The following PDE10A variants were observed in gnomAD, a reference collection of about 807,000 sequenced individuals.
PDE10A encodes the protein cAMP and cAMP-inhibited cGMP 3',5'-cyclic phosphodiesterase 10A.
In PDE10A, 39 loss-of-function variants were observed where a neutral mutation model predicts 97.7. The observed-to-expected ratio is 0.40, with a 90% confidence interval of 0.31 to 0.52. PDE10A has a LOEUF of 0.52. PDE10A is among the 20% of genes least tolerant of loss of function. The pLI is 0.56. For missense variants in PDE10A, 731 were observed against 1,047.8 expected, an observed-to-expected ratio of 0.70 and a Z score of 4.17; for synonymous variants, 371 against 376.8, an observed-to-expected ratio of 0.98 and a Z score of 0.18.
chr6:165,776,388 T>A (rs1778184193), intron 1 of PDE10A, among the ~76,000 whole-genome samples: 1 of 152,238 alleles, frequency 6.6e-6, no homozygotes, highest in Non-Finnish European at 1.5e-5. Flanking sequence ...GAAGTTGATA[T>A]AATCATTGGC....
chr6:165,803,411 T>A (rs1427426596), intron 1 of PDE10A, among the ~76,000 whole-genome samples: 1 of 152,234 alleles, frequency 6.6e-6, no homozygotes, highest in Non-Finnish European at 1.5e-5. Context: ...TGTGTCTCCA[T>A]GTCCCCAAGG....
intron 17 of PDE10A, among the ~76,000 whole-genome samples, chr6:165,386,919 G>A (rs760317931): frequency 2.2e-4 from 33 of 152,038 alleles, no homozygotes; most frequent in Non-Finnish European, 2.6e-4. Flanking sequence ...GGGAGGCTGA[G>A]GCAGGAGAAT....
chr6:165,396,949 C>A (rs1413222640), intron 13 of PDE10A, among the ~76,000 whole-genome samples: 2 of 152,130 alleles, frequency 1.3e-5, no homozygotes, highest in African/African-American at 4.8e-5. Context: ...TTAGTCTTGA[C>A]TGTATATTGT....
intron 1 of PDE10A, among the ~76,000 whole-genome samples, chr6:165,692,964 C>T (rs953288685): frequency 1.1e-4 from 16 of 152,150 alleles, no homozygotes; most frequent in Non-Finnish European, 1.8e-4. Flanking sequence ...AGAAAACTGT[C>T]CCTCCCTTAT....
intron 3 of PDE10A, among the ~76,000 whole-genome samples, chr6:165,452,664 A>C (rs1416485577): frequency 6.6e-6 from 1 of 152,140 alleles, no homozygotes; most frequent in Non-Finnish European, 1.5e-5. Context: ...TAAGAAATAA[A>C]TTTCTGTTCT....
intron 1 of PDE10A, among the ~76,000 whole-genome samples, chr6:165,641,210 A>G (rs1022933139): frequency 5.3e-5 from 8 of 152,234 alleles, no homozygotes; most frequent in Non-Finnish European, 8.8e-5. Flanking sequence ...AAAAAATGTT[A>G]AAAGTCATAA....
intron 2 of PDE10A, among the ~76,000 whole-genome samples, chr6:165,515,439 T>C (rs1408503437): frequency 6.6e-6 from 1 of 151,678 alleles, no homozygotes; most frequent in African/African-American, 2.4e-5. Flanking sequence ...TTATATAAAA[T>C]TATTGGTTTA....
At chr6:165,395,146 A>C in intron 15 of PDE10A, 35 bp downstream of exon 15, 2 of 1,372,910 alleles carry the variant, frequency 1.5e-6, no homozygotes, top group Non-Finnish European at 2.1e-6. Context: ...ATGTCACCCA[A>C]TATTTCAAAA....
At chr6:165,954,266 GA>G (rs1451414741) in intron 1 of PDE10A, among the ~76,000 whole-genome samples, 25 of 152,178 alleles carry the variant, frequency 1.6e-4, no homozygotes, top group African/African-American at 6.0e-4. Flanking sequence ...ATTTTTAGAT[GA>G]AAATATTATA....
At chr6:165,837,555 G>GA (rs1375216237) in intron 1 of PDE10A, among the ~76,000 whole-genome samples, 2 of 149,866 alleles carry the variant, frequency 1.3e-5, no homozygotes, top group Admixed American at 6.7e-5. Context: ...GGTTCTTTTA[G>GA]AAAAAATGGA....
chr6:165,724,043 A>G (rs1306962040), intron 1 of PDE10A, among the ~76,000 whole-genome samples: 1 of 152,184 alleles, frequency 6.6e-6, no homozygotes, highest in Non-Finnish European at 1.5e-5. Flanking sequence ...GTAGCATGCA[A>G]TCCATCAAAA....
At chr6:165,432,474 T>C (rs185104213) in intron 7 of PDE10A, among the ~76,000 whole-genome samples, 1 of 152,132 alleles carries the variant, frequency 6.6e-6, no homozygotes, top group Admixed American at 6.5e-5. Context: ...TTCAGGCAAG[T>C]GAACAGGAGT....
chr6:165,674,416 G>T (rs1562677264), intron 1 of PDE10A, among the ~76,000 whole-genome samples: 1 of 152,114 alleles, frequency 6.6e-6, no homozygotes, highest in Non-Finnish European at 1.5e-5. Context: ...GCCCATGGAA[G>T]TTCCTTTCTA....
intron 1 of PDE10A, among the ~76,000 whole-genome samples, chr6:165,559,792 G>A (rs1024648302): frequency 7.2e-5 from 11 of 152,138 alleles, no homozygotes; most frequent in African/African-American, 2.4e-4. Flanking sequence ...TACTGTTCTC[G>A]TGGTAGTGAC....
intron 1 of PDE10A, among the ~76,000 whole-genome samples, chr6:165,982,676 A>G (rs1199700938): frequency 6.6e-6 from 1 of 152,242 alleles, no homozygotes; most frequent in Non-Finnish European, 1.5e-5. Context: ...AAAAAAGACT[A>G]ATATAAAAAG....
chr6:165,684,799 A>G (rs1279434377), intron 1 of PDE10A, among the ~76,000 whole-genome samples: 1 of 152,278 alleles, frequency 6.6e-6, no homozygotes, highest in East Asian at 1.9e-4. Context: ...TGAAAGTTCC[A>G]TATAGTGTTT....
At chr6:165,791,319 T>C (rs1222410287) in intron 1 of PDE10A, among the ~76,000 whole-genome samples, 1 of 152,094 alleles carries the variant, frequency 6.6e-6, no homozygotes, top group African/African-American at 2.4e-5. Context: ...TGTCTTTCTG[T>C]GTCCTCCAGG....
At chr6:165,922,595 A>G (rs1480018536) in intron 1 of PDE10A, among the ~76,000 whole-genome samples, 2 of 152,098 alleles carry the variant, frequency 1.3e-5, no homozygotes, top group Non-Finnish European at 2.9e-5. Context: ...TCAAACAATG[A>G]CCCCCTTTTT....
intron 6 of PDE10A, 39 bp downstream of exon 6, chr6:165,435,198 T>G: frequency 6.5e-7 from 1 of 1,540,350 alleles, no homozygotes. Flanking sequence ...TTAAATACTT[T>G]AGGTCAAAAG....
Sources: gnomAD v4.1 joint callset for allele counts (sites outside exome capture counted in the v4.1 genomes callset) on GRCh38, gnomAD v4.1.1 for gene constraint, MANE v1.5 for transcripts, NCBI Gene and HGNC (gene_info 2026-07-23, HGNC 2026-07-21) for gene names.